The following AADAT variants were observed in gnomAD, a reference collection of about 807,000 sequenced individuals.
The protein encoded by AADAT is aminoadipate aminotransferase.
Under a neutral mutation model 56.2 loss-of-function variants are expected in AADAT, and 25 were observed. That is an observed-to-expected ratio of 0.44 (90% CI 0.32 to 0.62). The LOEUF is 0.62. Among genes scored for constraint, AADAT ranks in the 20% least tolerant of loss-of-function variants. AADAT has a pLI of 0.04. For synonymous variants in AADAT, 173 were observed against 164.7 expected, an observed-to-expected ratio of 1.05 and a Z score of -0.39; for missense variants, 387 against 510.5, an observed-to-expected ratio of 0.76 and a Z score of 2.33.
upstream of AADAT, among the ~76,000 whole-genome samples, chr4:170,093,179 AG>A (rs904334314): frequency 5.3e-5 from 8 of 152,176 alleles, no homozygotes; most frequent in African/African-American, 1.9e-4. Context: ...CTGTAATCCC[AG>A]CACTTTGGGA....
At chr4:170,064,624 C>T in intron 11 of AADAT, 95 bp downstream of exon 11, 1 of 933,510 alleles carries the variant, frequency 1.1e-6, no homozygotes, top group Non-Finnish European at 1.6e-6. Context: ...TGGTGGGCAA[C>T]AAGAAACATT....
intron 5 of AADAT, 109 bp from the exon 6 acceptor site, chr4:170,070,761 T>C: frequency 1.4e-6 from 1 of 728,602 alleles, no homozygotes; most frequent in Non-Finnish European, 2.2e-6. Flanking sequence ...TTCAAGGAAC[T>C]ACTGTGTGTC....
intron 3 of AADAT, among the ~76,000 whole-genome samples, chr4:170,082,649 TA>T (rs1181823085): frequency 6.6e-6 from 1 of 151,936 alleles, no homozygotes; most frequent in Admixed American, 6.5e-5. Context: ...GCTGAGTGGA[TA>T]AAGAAACAAG....
At position 170,087,260 on chromosome 4, in the gene AADAT, A is replaced by G. The variant is rs750232147; in HGVS notation, c.237-12T>C. On this transcript the variant is annotated splice_polypyrimidine_tract_variant and intron_variant, in intron 2 of 12. Coordinates refer to ENST00000337664, the MANE Select transcript of AADAT (RefSeq NM_016228.4). ...AAAGCTCTGGAATTCTAAAGCAAAA[A>G]ATGTATATTTAAATTCATAGTAGTA... The G allele has an allele frequency of 1.2e-6, 2 of 1,606,996 alleles. No individual in the cohort carries two copies. The highest frequency in any genetic ancestry group is 1.7e-4 in the Middle Eastern group (1 of 6,054).
chr4:170,091,382 T>G (rs1581604478), upstream of AADAT, among the ~76,000 whole-genome samples: 1 of 152,210 alleles, frequency 6.6e-6, no homozygotes, highest in South Asian at 2.1e-4. Context: ...GGCCAGCAGC[T>G]GCGGAGGGTG....
intron 7 of AADAT, 34 bp downstream of exon 7, chr4:170,069,114 G>C: frequency 1.9e-6 from 3 of 1,571,066 alleles, no homozygotes; most frequent in Non-Finnish European, 2.6e-6. Context: ...GGCTCTATTA[G>C]ATCTAGCGTC....
At chr4:170,083,602 A>G (rs1378626681) in intron 3 of AADAT, among the ~76,000 whole-genome samples, 1 of 152,146 alleles carries the variant, frequency 6.6e-6, no homozygotes, top group East Asian at 1.9e-4. Flanking sequence ...AGACATTTCT[A>G]AAAGAAGACA....
upstream of AADAT, among the ~76,000 whole-genome samples, chr4:170,092,236 C>T (rs1057154281): frequency 1.3e-5 from 2 of 152,252 alleles, no homozygotes; most frequent in South Asian, 2.1e-4. Context: ...AATCTTGCTG[C>T]TGCTGACTCT....
chr4:170,063,694 T>G (rs1050909500), intron 11 of AADAT, among the ~76,000 whole-genome samples: 2 of 152,218 alleles, frequency 1.3e-5, no homozygotes, highest in African/African-American at 4.8e-5. Flanking sequence ...TAGAGCACCT[T>G]GTCTCTTATG....
chr4:170,075,197 G>A (rs566326110), intron 4 of AADAT, among the ~76,000 whole-genome samples: 21 of 152,298 alleles, frequency 1.4e-4, no homozygotes, highest in South Asian at 4.1e-4. Context: ...TGTAGACACC[G>A]GTTTTACATT....
intron 11 of AADAT, among the ~76,000 whole-genome samples, chr4:170,064,484 T>TAA (rs1399752561): frequency 6.6e-6 from 1 of 152,232 alleles, no homozygotes; most frequent in Non-Finnish European, 1.5e-5. Flanking sequence ...GCCACTACGC[T>TAA]AATCAGTAGC....
chr4:170,071,879 A>G (rs780062101), intron 5 of AADAT, among the ~76,000 whole-genome samples: 5 of 152,176 alleles, frequency 3.3e-5, no homozygotes, highest in Non-Finnish European at 5.9e-5. Context: ...ACAGGAATAA[A>G]GGGTAACCAT....
intron 9 of AADAT, 63 bp from the exon 10 acceptor site, chr4:170,066,541 T>A: frequency 8.6e-7 from 1 of 1,158,476 alleles, no homozygotes; most frequent in Non-Finnish European, 1.3e-6. Context: ...CAAAACAGTC[T>A]CCAGAGTCCA....
At chr4:170,073,515 T>G (rs190606473) in intron 4 of AADAT, among the ~76,000 whole-genome samples, 170 bp from the exon 5 acceptor site, 1 of 151,952 alleles carries the variant, frequency 6.6e-6, no homozygotes, top group Admixed American at 6.6e-5. Flanking sequence ...TTATTTATTT[T>G]TTTTTTTGAG....
chr4:170,068,669 T>C lies in AADAT; in HGVS notation c.822A>G (p.Leu274=). The change falls in exon 8 of 13, where the codon TTA becomes TTG. Residue 274 remains leucine (L), a synonymous_variant. Transcript: ENST00000337664. ...TCTCTATTAAGGGTTTTGGACCAGT[T>C]AAAAATCCTATTCTCAACCTACGTG... ...IISSGLRIGF[L]TGPKPLIERV... 1.3e-6 allele frequency: 2 copies of C among 1,599,514 alleles called. No individual in the cohort carries two copies. Among genetic ancestry groups the C allele is most frequent in the African/African-American group, 1.3e-5 (1 of 74,102 alleles).
At chr4:170,075,368 TTTGCTGCCTGGGC>T (rs1239378192) in intron 4 of AADAT, among the ~76,000 whole-genome samples, 2 of 152,224 alleles carry the variant, frequency 1.3e-5, no homozygotes, top group African/African-American at 4.8e-5. Flanking sequence ...AAGGTCTCAC[TTTGCTGCCTGGGC>T]TGAAGTGCAG....
At chr4:170,063,983 A>C (rs1731320849) in intron 11 of AADAT, among the ~76,000 whole-genome samples, 1 of 152,058 alleles carries the variant, frequency 6.6e-6, no homozygotes. Context: ...CCTAGAATAC[A>C]TTCTATGAGC....
At chr4:170,091,361 C>T (rs1732822882), upstream of AADAT, among the ~76,000 whole-genome samples, 1 of 152,216 alleles carries the variant, frequency 6.6e-6, no homozygotes, top group Non-Finnish European at 1.5e-5. Flanking sequence ...TAGTGAGGGG[C>T]TTAGCACCCG....
chr4:170,079,030 C>T (rs1732170188), intron 3 of AADAT, among the ~76,000 whole-genome samples: 1 of 152,122 alleles, frequency 6.6e-6, no homozygotes, highest in Non-Finnish European at 1.5e-5. Flanking sequence ...GATAAAATAG[C>T]AAAATGACAT....
Sources: allele counts gnomAD v4.1 joint callset (sites outside exome capture counted in the v4.1 genomes callset), GRCh38; gene constraint gnomAD v4.1.1; transcripts MANE v1.5; gene names NCBI Gene and HGNC (gene_info 2026-07-23, HGNC 2026-07-21).